COL23A1: variants seen among roughly 807,000 people sequenced by gnomAD.
The protein encoded by COL23A1 is collagen type XXIII alpha 1 chain.
In COL23A1, 97 loss-of-function variants were observed where a neutral mutation model predicts 99.3. The observed-to-expected ratio is 0.98, with a 90% confidence interval of 0.83 to 1.16. The LOEUF (loss-of-function observed/expected upper bound fraction) is 1.16. COL23A1 is among the 50% of genes most tolerant of loss of function. The pLI is 0.00. For synonymous variants in COL23A1, 320 were observed against 308.2 expected (o/e 1.04, Z -0.40); for missense variants, 762 against 757.4 (o/e 1.01, Z -0.07).
intron 2 of COL23A1, among the ~76,000 whole-genome samples, chr5:178,560,207 C>T (rs780152789): frequency 6.6e-6 from 1 of 152,200 alleles, no homozygotes; most frequent in Non-Finnish European, 1.5e-5. Flanking sequence ...ATAATTCAGA[C>T]CTCATTGCCT....
chr5:178,333,322 G>A (rs1271610326), intron 2 of COL23A1, among the ~76,000 whole-genome samples: 1 of 152,194 alleles, frequency 6.6e-6, no homozygotes, highest in Non-Finnish European at 1.5e-5. Context: ...TTCCAAGTCT[G>A]GGTTTGGCCT....
At chr5:178,257,870 C>T (rs1261425225) in intron 12 of COL23A1, among the ~76,000 whole-genome samples, 1 of 152,186 alleles carries the variant, frequency 6.6e-6, no homozygotes, top group Non-Finnish European at 1.5e-5. Flanking sequence ...GGTCCCTGCT[C>T]AGGTGGGGTC....
At chr5:178,287,272 C>T (rs1176365806) in intron 5 of COL23A1, among the ~76,000 whole-genome samples, 2 of 152,202 alleles carry the variant, frequency 1.3e-5, no homozygotes, top group African/African-American at 2.4e-5. Context: ...CTGCTCATTG[C>T]TGGGGGAGCT....
chr5:178,276,095 CG>C (rs1405831486), intron 5 of COL23A1, among the ~76,000 whole-genome samples: 6 of 152,180 alleles, frequency 3.9e-5, no homozygotes, highest in Non-Finnish European at 8.8e-5. Context: ...GAAGTACATT[CG>C]GGATGTGGAG....
At chr5:178,368,808 T>A (rs1188950176) in intron 2 of COL23A1, among the ~76,000 whole-genome samples, 3 of 152,240 alleles carry the variant, frequency 2.0e-5, no homozygotes, top group Non-Finnish European at 4.4e-5. Flanking sequence ...CACCAACCCC[T>A]TTTTATTGTT....
At position 178,571,875 on chromosome 5, in the gene COL23A1, C is replaced by T. The variant is rs529963529; in HGVS notation, c.295-11127G>A. Among the ~76,000 whole-genome samples the T allele has an allele frequency of 2.6e-5, 4 of 152,202 alleles. No individual in the cohort carries two copies. The East Asian group carries it at 7.7e-4, about 29-fold the overall frequency. On this transcript the variant is annotated intron_variant, in intron 1 of 28. Transcript: ENST00000390654. ...ACAAGGTCAGGAGATTGAGACCATC[C>T]TGGCTAACACGGTGAAACCCCGTCT...
chr5:178,238,814 C>T (rs1764243737), intron 28 of COL23A1, 114 bp from the exon 29 acceptor site: 3 of 1,406,136 alleles, frequency 2.1e-6, no homozygotes, highest in Admixed American at 3.4e-5. Flanking sequence ...TCTTCCCTCC[C>T]CCCACTCCCT....
intron 2 of COL23A1, among the ~76,000 whole-genome samples, chr5:178,445,759 T>C (rs1319603643): frequency 6.6e-6 from 1 of 152,086 alleles, no homozygotes; most frequent in African/African-American, 2.4e-5. Context: ...GCAAAGAATC[T>C]TTCCAGGATA....
intron 2 of COL23A1, among the ~76,000 whole-genome samples, chr5:178,338,073 A>C (rs1760447738): frequency 6.6e-6 from 1 of 152,134 alleles, no homozygotes; most frequent in Non-Finnish European, 1.5e-5. Context: ...TTGGGGCCAC[A>C]CATCTTGGGA....
intron 2 of COL23A1, among the ~76,000 whole-genome samples, chr5:178,379,199 C>T (rs7709949): frequency 6.6e-6 from 1 of 150,792 alleles, no homozygotes; most frequent in African/African-American, 2.5e-5. Flanking sequence ...TTAAAAAAAA[C>T]AAACAAACCA....
At chr5:178,332,048 G>A (rs1199845341) in intron 2 of COL23A1, among the ~76,000 whole-genome samples, 1 of 152,192 alleles carries the variant, frequency 6.6e-6, no homozygotes, top group Non-Finnish European at 1.5e-5. Flanking sequence ...GCCTGGCACT[G>A]TGTGCTCAGG....
At chr5:178,485,032 C>A (rs1106072) in intron 2 of COL23A1, among the ~76,000 whole-genome samples, 1 of 151,926 alleles carries the variant, frequency 6.6e-6, no homozygotes. Flanking sequence ...ACTTCGCTTA[C>A]GGCTCTGGCA....
intron 19 of COL23A1, among the ~76,000 whole-genome samples, chr5:178,248,477 G>T (rs1314996103): frequency 6.6e-6 from 1 of 152,188 alleles, no homozygotes; most frequent in Non-Finnish European, 1.5e-5. Flanking sequence ...TGTTTTCCTG[G>T]GGTGCAGGGA....
rs1212442194 is a variant in COL23A1, at chr5:178,309,709, C to A, written c.362-2790G>T. Among the ~76,000 whole-genome samples the A allele has an allele frequency of 6.6e-6, 1 of 151,970 alleles. No homozygotes were observed. The highest frequency in any genetic ancestry group is 1.5e-5 in the Non-Finnish European group (1 of 67,970). ...CAAGCAGTCAAGCCAGAGACCCCCC[C>A]CCGGGCATCATCCTGCCCCAGCCCC... On this transcript the variant is annotated intron_variant, in intron 2 of 28. Transcript: ENST00000390654. This position sits in a 1 kb window ranked among gnomAD's most constrained non-coding sequence, Gnocchi z 4.7.
At chr5:178,481,122 ACTGT>A (rs1757310143) in intron 2 of COL23A1, among the ~76,000 whole-genome samples, 2 of 123,356 alleles carry the variant, frequency 1.6e-5, no homozygotes, top group Non-Finnish European at 3.3e-5. Flanking sequence ...CACTCCAGAG[ACTGT>A]CTCTCAAAAA....
At chr5:178,337,452 A>AGTTC (rs1190927117) in intron 2 of COL23A1, among the ~76,000 whole-genome samples, 1 of 152,214 alleles carries the variant, frequency 6.6e-6, no homozygotes, top group East Asian at 1.9e-4. Context: ...AATTGGAGTG[A>AGTTC]GTTCAAACAC....
At chr5:178,548,362 T>C (rs941361373) in intron 2 of COL23A1, among the ~76,000 whole-genome samples, 4 of 152,042 alleles carry the variant, frequency 2.6e-5, no homozygotes, top group African/African-American at 9.7e-5. Context: ...AACAAACTCT[T>C]AATCGTCCCC....
rs186786087 is a variant in COL23A1, at chr5:178,444,806, A to C, written c.361+115876T>G. ...GTGAGACTTTTTGTGAAAACAAAAC[A>C]AAACAAACAAATAAAAAAACCCACA... is the stretch of plus-strand genomic sequence containing the variant. On this transcript the variant is annotated intron_variant, in intron 2 of 28. Transcript: ENST00000390654. 5.7e-3 allele frequency among the ~76,000 whole-genome samples: 869 copies of C among 152,292 alleles called. 4 individuals carry two copies. Among genetic ancestry groups the C allele is most frequent in the Non-Finnish European group, 9.9e-3 (674 of 68,028 alleles).
At chr5:178,553,314 C>A (rs1012157812) in intron 2 of COL23A1, among the ~76,000 whole-genome samples, 1 of 152,158 alleles carries the variant, frequency 6.6e-6, no homozygotes, top group African/African-American at 2.4e-5. Context: ...TTTCCATAAA[C>A]TATCAACGAA....
Sources: gnomAD v4.1 joint callset for allele counts (sites outside exome capture counted in the v4.1 genomes callset) on GRCh38, gnomAD v4.1.1 for gene constraint, Gnocchi (gnomAD v3.1) non-coding constraint, MANE v1.5 for transcripts, NCBI Gene and HGNC (gene_info 2026-07-23, HGNC 2026-07-21) for gene names.